HPGDS: variants seen among roughly 807,000 people sequenced by gnomAD.
HPGDS encodes GST class-sigma.
In HPGDS, 26 loss-of-function variants were observed where a neutral mutation model predicts 23.1. That is an observed-to-expected ratio of 1.13 (90% confidence interval 0.83 to 1.56). HPGDS has a LOEUF of 1.56. HPGDS is among the 40% of genes most tolerant of loss of function. The probability of loss-of-function intolerance (pLI) is 0.00; values close to 1 mark genes in which losing one functional copy is unlikely to be tolerated. For synonymous variants in HPGDS, 95 were observed against 77.9 expected, an observed-to-expected ratio of 1.22 and a Z score of -1.16; for missense variants, 268 against 236.4, an observed-to-expected ratio of 1.13 and a Z score of -0.88.
chr4:94,299,661 A>G lies in HPGDS; in HGVS notation c.436-17T>C. Reference sequence around the variant, plus strand: ...CCAAGTTACCTAGTTTAAAGGAAACAAACTTTTCATTTGAACATAGAAAGT... The same window carrying G: ...CCAAGTTACCTAGTTTAAAGGAAACGAACTTTTCATTTGAACATAGAAAGT... On this transcript the variant is annotated splice_polypyrimidine_tract_variant and intron_variant, in intron 5 of 5. Transcript: ENST00000295256. 3.1e-6 allele frequency: 5 copies of G among 1,605,080 alleles called. No homozygotes were observed. The highest frequency in any genetic ancestry group is 4.3e-6 in the Non-Finnish European group (5 of 1,174,132).
At chr4:94,312,368 C>G (rs1025056352) in intron 3 of HPGDS, among the ~76,000 whole-genome samples, 1 of 152,146 alleles carries the variant, frequency 6.6e-6, no homozygotes, top group Admixed American at 6.6e-5. Context: ...CAAAGAACAT[C>G]GTTATTTCTG....
At position 94,308,567 on chromosome 4, in the gene HPGDS, G is replaced by A. The variant is rs1327725549; in HGVS notation, c.336+67C>T. ...TTTTGATATTAAGGAACTTTCTAAG[G>A]CACCTAACACAATGTCTGGCAGGTG... On this transcript the variant is annotated intron_variant, in intron 4 of 5. Coordinates refer to ENST00000295256, the MANE Select transcript of HPGDS (RefSeq NM_014485.3). The A allele has an allele frequency of 1.6e-5, 12 of 735,718 alleles. No homozygotes were observed. In the Admixed American group the frequency reaches 1.8e-4, roughly 11 times the overall value. The allele number at this position is 735,718 out of a possible 1,614,324, so 45.6% of individuals were successfully genotyped here. A position where few individuals can be genotyped will look rare whatever the true frequency, so the allele number is the denominator to read the frequency against.
chr4:94,339,283 T>G (rs1480100544), intron 1 of HPGDS, among the ~76,000 whole-genome samples: 1 of 152,198 alleles, frequency 6.6e-6, no homozygotes, highest in African/African-American at 2.4e-5. Context: ...AAGAATCTCA[T>G]GTAGAGAAAA....
At chr4:94,337,942 G>C (rs1291967114) in intron 1 of HPGDS, among the ~76,000 whole-genome samples, 1 of 152,150 alleles carries the variant, frequency 6.6e-6, no homozygotes, top group African/African-American at 2.4e-5. Flanking sequence ...TTTGGCAGAG[G>C]CCCAATAGCA....
intron 2 of HPGDS, among the ~76,000 whole-genome samples, chr4:94,324,049 G>T (rs1274353840): frequency 6.6e-6 from 1 of 152,116 alleles, no homozygotes; most frequent in African/African-American, 2.4e-5. Flanking sequence ...GAAATTCTGG[G>T]TTGAAAATTG....
At chr4:94,325,927 C>T (rs916653061) in intron 2 of HPGDS, among the ~76,000 whole-genome samples, 1 of 152,010 alleles carries the variant, frequency 6.6e-6, no homozygotes, top group African/African-American at 2.4e-5. Flanking sequence ...AAAGATCTCT[C>T]CTTCATTTTT....
intron 5 of HPGDS, 53 bp downstream of exon 5, chr4:94,302,093 A>G (rs1309328128): frequency 8.3e-6 from 11 of 1,332,338 alleles, no homozygotes; most frequent in East Asian, 2.3e-5. Context: ...TTATACTTCT[A>G]TTGGTTTGTC....
At chr4:94,342,236 G>A (rs533577702) in intron 1 of HPGDS, among the ~76,000 whole-genome samples, 102 of 152,106 alleles carry the variant, frequency 6.7e-4, no homozygotes, top group Admixed American at 9.8e-4. Flanking sequence ...TATCCTTTGG[G>A]AGCTGTGAGT....
chr4:94,309,753 A>C lies in HPGDS; in HGVS notation c.227-1010T>G, dbSNP rs529257813. 3.5e-3 allele frequency among the ~76,000 whole-genome samples: 535 copies of C among 151,756 alleles called. 2 individuals are homozygous for C. Among genetic ancestry groups the C allele is most frequent in the African/African-American group, 0.012 (500 of 41,440 alleles). On this transcript the variant is annotated intron_variant, in intron 3 of 5. Transcript: ENST00000295256. ...TAGTTTACAGTCCCACCAACAGTGT[A>C]AAAGTGTTCCTATTTCTCCACATCC...
chr4:94,339,802 C>G (rs1479575591), intron 1 of HPGDS, among the ~76,000 whole-genome samples: 2 of 151,992 alleles, frequency 1.3e-5, no homozygotes, highest in African/African-American at 4.8e-5. Flanking sequence ...ATGGGAGGGA[C>G]CCGGTGGGAG....
intron 2 of HPGDS, among the ~76,000 whole-genome samples, chr4:94,330,326 T>A (rs1756713487): frequency 6.6e-6 from 1 of 152,214 alleles, no homozygotes; most frequent in African/African-American, 2.4e-5. Flanking sequence ...ATTTGTTAAC[T>A]AGTTAGAGGT....
At chr4:94,321,081 G>A (rs1307632934) in intron 2 of HPGDS, among the ~76,000 whole-genome samples, 2 of 152,054 alleles carry the variant, frequency 1.3e-5, no homozygotes, top group African/African-American at 4.8e-5. Context: ...GTAGATGTGT[G>A]GTATTATTTC....
intron 1 of HPGDS, among the ~76,000 whole-genome samples, chr4:94,342,382 T>C (rs1286817334): frequency 6.6e-6 from 1 of 152,094 alleles, no homozygotes; most frequent in Admixed American, 6.5e-5. Flanking sequence ...CCAGTAAAAG[T>C]CTTAAACTTT....
At chr4:94,313,958 G>A (rs1184130312) in intron 3 of HPGDS, among the ~76,000 whole-genome samples, 1 of 152,180 alleles carries the variant, frequency 6.6e-6, no homozygotes, top group Non-Finnish European at 1.5e-5. Context: ...CATTCATCAT[G>A]TAGTTCTCGT....
chr4:94,306,297 C>T (rs537991132), intron 4 of HPGDS, among the ~76,000 whole-genome samples: 105 of 152,072 alleles, frequency 6.9e-4, no homozygotes, highest in Non-Finnish European at 1.3e-3. Flanking sequence ...GTAATAAAGA[C>T]GTCTATTTAG....
At chr4:94,330,072 C>G (rs1434223884) in intron 2 of HPGDS, among the ~76,000 whole-genome samples, 1 of 152,132 alleles carries the variant, frequency 6.6e-6, no homozygotes, top group African/African-American at 2.4e-5. Context: ...GGCAGATGTA[C>G]AGTAACAGGA....
At chr4:94,326,790 T>C (rs1756638778) in intron 2 of HPGDS, among the ~76,000 whole-genome samples, 1 of 152,150 alleles carries the variant, frequency 6.6e-6, no homozygotes. Context: ...ATTTCTTGTG[T>C]CTTTATGTTG....
chr4:94,323,221 G>T (rs1335295075), intron 2 of HPGDS, among the ~76,000 whole-genome samples: 2 of 152,176 alleles, frequency 1.3e-5, no homozygotes, highest in Non-Finnish European at 2.9e-5. Flanking sequence ...GTGTGGTGCT[G>T]AGAAGAATGT....
At chr4:94,320,243 G>A (rs1217430641) in intron 2 of HPGDS, among the ~76,000 whole-genome samples, 2 of 152,076 alleles carry the variant, frequency 1.3e-5, no homozygotes, top group Non-Finnish European at 1.5e-5. Flanking sequence ...TGTCTTTATG[G>A]GAGCATGATT....
Sources: allele counts gnomAD v4.1 joint callset (sites outside exome capture counted in the v4.1 genomes callset), GRCh38; gene constraint gnomAD v4.1.1; transcripts MANE v1.5; gene names NCBI Gene and HGNC (gene_info 2026-07-23, HGNC 2026-07-21).